ATG2B: variants seen among roughly 807,000 people sequenced by gnomAD.
ATG2B encodes autophagy-related protein 2 homolog B.
A neutral mutation model predicts 241.3 loss-of-function variants in ATG2B; 121 were observed. The observed-to-expected ratio is 0.50, with a 90% CI of 0.43 to 0.58. ATG2B has a LOEUF of 0.58. ATG2B is among the 20% of genes least tolerant of loss of function. ATG2B has a pLI of 0.00. For missense variants in ATG2B, 2,306 were observed against 2,491.6 expected, an observed-to-expected ratio of 0.93 and a Z score of 1.59; for synonymous variants, 858 against 876.6, an observed-to-expected ratio of 0.98 and a Z score of 0.37.
In ATG2B at chr14:96,363,049, C is replaced by A; in HGVS notation, c.-73G>T. On this transcript the variant is annotated 5_prime_UTR_variant, in exon 1 of 42. Coordinates refer to ENST00000359933, the MANE Select transcript of ATG2B (RefSeq NM_018036.7). ...TCCGGCCTCGGGGTAGCGACTCCGG[C>A]TCCAGGCCGCGGCGGGGCCTAAGCC... 6.4e-7 allele frequency: 1 copy of A among 1,574,042 alleles called. No homozygotes were observed. Among genetic ancestry groups the A allele is most frequent in the Non-Finnish European group, 8.7e-7 (1 of 1,149,638 alleles).
intron 1 of ATG2B, among the ~76,000 whole-genome samples, chr14:96,354,791 G>GT (rs1888429152): frequency 6.6e-6 from 1 of 151,936 alleles, no homozygotes; most frequent in Non-Finnish European, 1.5e-5. Context: ...CGTGTGTTTT[G>GT]TTTTTGTTGT....
intron 6 of ATG2B, among the ~76,000 whole-genome samples, chr14:96,336,554 TATAC>T (rs1887874232): frequency 6.6e-6 from 1 of 152,208 alleles, no homozygotes; most frequent in African/African-American, 2.4e-5. Flanking sequence ...TGTACAAATG[TATAC>T]ATAATGTTTT....
At chr14:96,329,039 A>T (rs1013174615) in intron 12 of ATG2B, among the ~76,000 whole-genome samples, 5 of 152,142 alleles carry the variant, frequency 3.3e-5, no homozygotes, top group African/African-American at 7.2e-5. Context: ...AATGAACATA[A>T]CTTTGACAGT....
chr14:96,308,233 T>C (rs1333313833), intron 29 of ATG2B, among the ~76,000 whole-genome samples: 2 of 14,368 alleles, frequency 1.4e-4, no homozygotes, highest in Non-Finnish European at 3.6e-4. Context: ...TATATATACA[T>C]ATATATATAT....
chr14:96,295,598 A>C, intron 34 of ATG2B, 38 bp from the exon 35 acceptor site: 1 of 1,350,310 alleles, frequency 7.4e-7, no homozygotes, highest in African/African-American at 1.5e-5. Flanking sequence ...AAGGAAGAAA[A>C]GAATCACCTA....
At position 96,317,248 on chromosome 14, in the gene ATG2B, C is replaced by A; in HGVS notation, c.3107G>T (p.Arg1036Leu). The change falls in exon 20 of 42, where the codon CGC becomes CTC. Residue 1036 changes from arginine to leucine, a missense_variant. Arg to Leu is a moderately radical substitution (Grantham distance 102, BLOSUM62 -2). This residue lies in a region of ATG2B where 1,927 missense variants were observed against 2,011.2 expected (regional missense o/e 0.96). Transcript: ENST00000359933. ...FSTVDPNYRS[R>L]RKKKLDSQNK... ...CTGAGAGTCTAATTTTTTTTTCCTGCGAGAACGATAGTTGGGATCAACAGT... is the reference window on the plus strand; with the variant it reads ...CTGAGAGTCTAATTTTTTTTTCCTGAGAGAACGATAGTTGGGATCAACAGT... The A allele has an allele frequency of 1.9e-6, 3 of 1,613,362 alleles. No homozygotes were observed. Among genetic ancestry groups the A allele is most frequent in the Non-Finnish European group, 2.5e-6 (3 of 1,179,638 alleles).
At chr14:96,353,119 G>C (rs185090108) in intron 1 of ATG2B, among the ~76,000 whole-genome samples, 1 of 152,090 alleles carries the variant, frequency 6.6e-6, no homozygotes, top group African/African-American at 2.4e-5. Flanking sequence ...TGCTGTGCAG[G>C]TGTATAGCCT....
chr14:96,302,917 A>T, intron 33 of ATG2B, 144 bp downstream of exon 33: 1 of 593,532 alleles, frequency 1.7e-6, no homozygotes, highest in Non-Finnish European at 2.7e-6. Flanking sequence ...ATAAAACTTT[A>T]AGCAATACAT....
intron 6 of ATG2B, among the ~76,000 whole-genome samples, chr14:96,340,675 G>A (rs1888008787): frequency 6.6e-6 from 1 of 152,110 alleles, no homozygotes; most frequent in African/African-American, 2.4e-5. Context: ...CACTTTGGGA[G>A]GCTGAGCAAG....
chr14:96,287,273 AC>A lies in ATG2B; in HGVS notation c.6007-1289del, dbSNP rs201708229. Among the ~76,000 whole-genome samples, 20 of 149,846 alleles carry A rather than the reference AC, an allele frequency of 1.3e-4. 2 individuals are homozygous for A. The highest frequency in any genetic ancestry group is 3.4e-3 in the Middle Eastern group (1 of 294). Reference sequence around the variant, plus strand: ...CGTCTCAAAAAAAAAAAAAAAAAAAACGTGTCCAGAAAAACTCAAAGAAATA... The same window carrying A: ...CGTCTCAAAAAAAAAAAAAAAAAAAAGTGTCCAGAAAAACTCAAAGAAATA... On this transcript the variant is annotated intron_variant, in intron 41 of 41. Transcript: ENST00000359933.
intron 1 of ATG2B, among the ~76,000 whole-genome samples, chr14:96,351,893 C>A (rs1267478977): frequency 5.3e-5 from 6 of 112,802 alleles, no homozygotes; most frequent in Non-Finnish European, 1.1e-4. Flanking sequence ...CACAGCAAGA[C>A]CTTGTCTCAA....
chr14:96,301,303 T>C (rs906268386), intron 34 of ATG2B, among the ~76,000 whole-genome samples: 2 of 86,976 alleles, frequency 2.3e-5, no homozygotes, highest in Non-Finnish European at 4.6e-5. Context: ...CCCGAAGCCA[T>C]ACAACTAGTA....
chr14:96,308,282 ATTTTT>A (rs71731196), intron 29 of ATG2B, among the ~76,000 whole-genome samples: 3 of 37,034 alleles, frequency 8.1e-5, no homozygotes, highest in African/African-American at 3.1e-4. Flanking sequence ...ATATATATAT[ATTTTT>A]TTTTTTTTTT....
intron 38 of ATG2B, among the ~76,000 whole-genome samples, chr14:96,291,150 C>CAT (rs1886473503): frequency 6.6e-6 from 1 of 152,214 alleles, no homozygotes; most frequent in African/African-American, 2.4e-5. Context: ...CATATACATA[C>CAT]ATACACACAC....
At chr14:96,317,669 T>C in intron 19 of ATG2B, 29 bp downstream of exon 19, 1 of 1,534,446 alleles carries the variant, frequency 6.5e-7, no homozygotes, top group Non-Finnish European at 8.9e-7. Context: ...CTAGGCATTT[T>C]AAATCAAAAC....
intron 17 of ATG2B, 137 bp downstream of exon 17, chr14:96,322,403 G>T: frequency 7.9e-7 from 1 of 1,268,690 alleles, no homozygotes; most frequent in Non-Finnish European, 1.1e-6. Context: ...AGAAAAAATA[G>T]GTATTATTCA....
chr14:96,350,550 C>G (rs1015981183), intron 1 of ATG2B, among the ~76,000 whole-genome samples: 2 of 152,280 alleles, frequency 1.3e-5, no homozygotes, highest in African/African-American at 2.4e-5. Flanking sequence ...AGGAGACAGA[C>G]AGAAAGAACG....
At position 96,341,710 on chromosome 14, in the gene ATG2B, A is replaced by C; in HGVS notation, c.745-9T>G. 1 of 1,517,208 alleles carries C rather than the reference A, an allele frequency of 6.6e-7. No individual in the cohort carries two copies. Among genetic ancestry groups the C allele is most frequent in the Non-Finnish European group, 8.8e-7 (1 of 1,130,898 alleles). The allele number at this position is 1,517,208 out of a possible 1,614,324, so 94.0% of individuals were successfully genotyped here. On this transcript the variant is annotated splice_polypyrimidine_tract_variant and intron_variant, in intron 5 of 41. Coordinates refer to ENST00000359933, the MANE Select transcript of ATG2B (RefSeq NM_018036.7). ...AGCTTTGGCTCAGTTTCCTACAATAAAGTGACAAAAATAATTATTTAAAAT... is the reference window on the plus strand; with the variant it reads ...AGCTTTGGCTCAGTTTCCTACAATACAGTGACAAAAATAATTATTTAAAAT...
chr14:96,317,734 C>T lies in ATG2B; in HGVS notation c.3001G>A (p.Asp1001Asn). 2 of 1,611,590 alleles carry T rather than the reference C, an allele frequency of 1.2e-6. No individual in the cohort carries two copies. Among genetic ancestry groups the T allele is most frequent in the Non-Finnish European group, 1.7e-6 (2 of 1,178,584 alleles). The change falls in exon 19 of 42, where the codon GAT becomes AAT. Residue 1001 changes from aspartate (D) to asparagine (N), a missense_variant. By Grantham distance (23) the Asp-to-Asn change is conservative (BLOSUM62 1). Transcript: ENST00000359933. ...GCAGATTTAAATGCACTAAAACTAT[C>T]TTTGTTGAAAGTATTAATGAGCTGA... is the stretch of plus-strand genomic sequence containing the variant. Reference protein sequence around the residue: ...ASQLINTFNKDSFSAFKSAVH... With the variant: ...ASQLINTFNKNSFSAFKSAVH...
Sources: gnomAD v4.1 joint callset for allele counts (sites outside exome capture counted in the v4.1 genomes callset) on GRCh38, gnomAD v4.1.1 for gene constraint, gnomAD v4.1.1 regional missense constraint, MANE v1.5 for transcripts, NCBI Gene and HGNC (gene_info 2026-07-23, HGNC 2026-07-21) for gene names.